TNS1: variants seen among roughly 807,000 people sequenced by gnomAD.
The protein encoded by TNS1 is tensin 1.
Under a neutral mutation model 168.6 loss-of-function variants are expected in TNS1, and 62 were observed. The observed-to-expected ratio is 0.37, with a 90% CI of 0.30 to 0.45. The LOEUF is 0.45. Ranked by LOEUF, TNS1 falls within the 20% of genes least tolerant of loss-of-function variation. The pLI is 1.00. For synonymous variants in TNS1, 934 were observed against 933.2 expected, an observed-to-expected ratio of 1.00 and a Z score of -0.02; for missense variants, 2,240 against 2,339.4, an observed-to-expected ratio of 0.96 and a Z score of 0.88.
chr2:218,013,545 CT>C (rs2106003009), upstream of TNS1, among the ~76,000 whole-genome samples: 1 of 152,314 alleles, frequency 6.6e-6, no homozygotes. Flanking sequence ...TCGCATCTCC[CT>C]CCCCAGTGCT....
intron 1 of TNS1, among the ~76,000 whole-genome samples, chr2:218,020,059 G>A (rs1255545283): frequency 6.6e-6 from 1 of 152,080 alleles, no homozygotes; most frequent in Non-Finnish European, 1.5e-5. Flanking sequence ...GTTGACTCTC[G>A]CTCTGTCTTA....
intron 3 of TNS1, among the ~76,000 whole-genome samples, chr2:217,929,967 G>C (rs1176102054): frequency 6.6e-6 from 1 of 152,234 alleles, no homozygotes; most frequent in African/African-American, 2.4e-5. Flanking sequence ...ACATCCAGCA[G>C]TGTCACTTCT....
upstream of TNS1, among the ~76,000 whole-genome samples, chr2:218,004,675 C>T (rs1958640112): frequency 6.6e-6 from 1 of 152,200 alleles, no homozygotes; most frequent in African/African-American, 2.4e-5. Flanking sequence ...ATTTCCAGCC[C>T]TTCCTAAAGC....
Position 217,886,116 on chromosome 2 carries a change from G to A in TNS1, c.980-12C>T. 2 of 1,613,946 alleles carry A rather than the reference G, an allele frequency of 1.2e-6. No individual in the cohort carries two copies. On this transcript the variant is annotated splice_polypyrimidine_tract_variant and intron_variant, in intron 13 of 32. Transcript: ENST00000682258. ...AAATGGCCGACATCCTGTAAAAGTG[G>A]GGTGGGTGTTAGCTAAGACAGCAGA...
chr2:217,891,185 C>G, intron 11 of TNS1, 140 bp from the exon 12 acceptor site: 1 of 737,098 alleles, frequency 1.4e-6, no homozygotes, highest in Non-Finnish European at 2.3e-6. Flanking sequence ...AAGCCTCTTC[C>G]CCCTGCCATC....
intron 6 of TNS1, among the ~76,000 whole-genome samples, chr2:217,905,810 C>A (rs1031466662): frequency 3.9e-5 from 6 of 152,224 alleles, no homozygotes; most frequent in African/African-American, 7.2e-5. Context: ...CGCCCCTTCC[C>A]CTCTCCCCAA....
At chr2:218,011,272 C>T (rs1484875939), upstream of TNS1, among the ~76,000 whole-genome samples, 1 of 152,062 alleles carries the variant, frequency 6.6e-6, no homozygotes, top group Non-Finnish European at 1.5e-5. Flanking sequence ...AGAGGGGAGG[C>T]GGAGGTCCTG....
intron 8 of TNS1, 76 bp from the exon 9 acceptor site, chr2:217,895,132 T>G (rs1158478895): frequency 3.5e-6 from 5 of 1,408,734 alleles, no homozygotes; most frequent in Non-Finnish European, 4.9e-6. Flanking sequence ...AACCATGGCC[T>G]GCTGGTCCCA....
In TNS1 at chr2:217,886,220, T is replaced by A. The variant is rs1951190451; in HGVS notation, c.980-116A>T. 4 of 1,115,106 alleles carry A rather than the reference T, an allele frequency of 3.6e-6. No homozygotes were observed. In the South Asian group the frequency reaches 4.3e-5, roughly 12 times the overall value. 69.1% of individuals were successfully genotyped at this position (1,115,106 alleles called of 1,614,324 possible). ...AAGGAAGAAATGGGGGAAGACGGGG[T>A]AGGAAGGGGAAGGAGGAAAAGAGGA... On this transcript the variant is annotated intron_variant, in intron 13 of 32. Coordinates refer to ENST00000682258, the MANE Select transcript of TNS1 (RefSeq NM_001387777.1).
chr2:217,828,035 AG>A (rs1273210322), intron 22 of TNS1, among the ~76,000 whole-genome samples: 1 of 152,242 alleles, frequency 6.6e-6, no homozygotes, highest in Non-Finnish European at 1.5e-5. Flanking sequence ...CGGCATCTGA[AG>A]CACAGAAACG....
At chr2:217,882,985 G>A (rs757800873) in intron 16 of TNS1, among the ~76,000 whole-genome samples, 5 of 152,056 alleles carry the variant, frequency 3.3e-5, no homozygotes, top group South Asian at 2.1e-4. Flanking sequence ...TTATAGCGAC[G>A]GAGTTTTGCT....
chr2:217,989,600 T>C lies in TNS1; in HGVS notation c.148+1342A>G, dbSNP rs1958299121. On this transcript the variant is annotated intron_variant, in intron 2 of 32. Coordinates refer to ENST00000682258, the MANE Select transcript of TNS1 (RefSeq NM_001387777.1). The stretch of plus-strand genomic sequence containing the variant: ...TGTGATCTGGGACAAGACACCAACT[T>C]TTCAGGCAATAATGACAGCCAAGCC... Among the ~76,000 whole-genome samples, 6 of 152,050 alleles carry C rather than the reference T, an allele frequency of 3.9e-5. No homozygotes were observed. In the South Asian group the frequency reaches 1.2e-3, roughly 32 times the overall value.
At chr2:217,808,805 C>T (rs1160455411) in intron 30 of TNS1, 134 bp from the exon 31 acceptor site, 3 of 755,292 alleles carry the variant, frequency 4.0e-6, no homozygotes, top group East Asian at 2.5e-5. Context: ...CTCTTATGAG[C>T]AAGATGGCCT....
chr2:217,847,393 G>T, intron 19 of TNS1, 117 bp downstream of exon 19: 1 of 1,010,954 alleles, frequency 9.9e-7, no homozygotes, highest in Non-Finnish European at 1.3e-6. Context: ...GCTCCTGAGA[G>T]CCTCCTCCCA....
At chr2:217,844,299 T>C (rs543582311) in intron 19 of TNS1, among the ~76,000 whole-genome samples, 1 of 152,230 alleles carries the variant, frequency 6.6e-6, no homozygotes, top group African/African-American at 2.4e-5. Context: ...TTATTGTCCT[T>C]CCTGCCCAGA....
intron 3 of TNS1, among the ~76,000 whole-genome samples, chr2:217,945,475 C>T (rs573381592): frequency 1.3e-5 from 2 of 152,148 alleles, no homozygotes; most frequent in Non-Finnish European, 2.9e-5. Context: ...TTCTCAGGAC[C>T]TTATATGGGG....
chr2:217,859,520 A>G, intron 18 of TNS1: 1 of 845,394 alleles, frequency 1.2e-6, no homozygotes, highest in Non-Finnish European at 1.9e-6. Flanking sequence ...GGGCTCCAGG[A>G]GGGGACAGGA....
At chr2:217,962,303 C>T (rs6436022) in intron 3 of TNS1, among the ~76,000 whole-genome samples, 40,641 of 151,906 alleles carry the variant, frequency 0.27, 6,099 homozygotes, top group African/African-American at 0.42. Context: ...ATTAGCTGGG[C>T]GTGGTGGCGC....
intron 18 of TNS1, among the ~76,000 whole-genome samples, chr2:217,878,849 C>T (rs1185078455): frequency 2.0e-5 from 3 of 152,236 alleles, no homozygotes; most frequent in Non-Finnish European, 4.4e-5. Flanking sequence ...CTCATGAAGG[C>T]CGCTATAGGC....
Sources: allele counts gnomAD v4.1 joint callset (sites outside exome capture counted in the v4.1 genomes callset), GRCh38; gene constraint gnomAD v4.1.1; transcripts MANE v1.5; gene names NCBI Gene and HGNC (gene_info 2026-07-23, HGNC 2026-07-21).